NRG1: variants seen among roughly 807,000 people sequenced by gnomAD.
NRG1 encodes neuregulin 1.
In NRG1, 18 loss-of-function variants were observed where a neutral mutation model predicts 63.8. The ratio of observed to expected loss-of-function variants is 0.28; its 90% CI spans 0.19 to 0.42. The LOEUF is 0.42. NRG1 is among the 10% of genes least tolerant of loss of function. NRG1 has a pLI of 1.00. For missense variants in NRG1, 762 were observed against 814.7 expected (o/e 0.94, Z 0.79); for synonymous variants, 302 against 301.3 (o/e 1.00, Z -0.02).
At chr8:31,918,957 C>T (rs1409753944) in intron 1 of NRG1, among the ~76,000 whole-genome samples, 1 of 152,224 alleles carries the variant, frequency 6.6e-6, no homozygotes, top group East Asian at 1.9e-4. Context: ...AGGAATTTAT[C>T]CATTTCTTCT....
At chr8:32,186,379 T>A (rs1417363186) in intron 1 of NRG1, among the ~76,000 whole-genome samples, 2 of 151,092 alleles carry the variant, frequency 1.3e-5, no homozygotes, top group African/African-American at 4.9e-5. Flanking sequence ...GAGAATGGCG[T>A]TAACCCAGCT....
chr8:32,091,344 A>G (rs1829125896), intron 1 of NRG1, among the ~76,000 whole-genome samples: 1 of 152,200 alleles, frequency 6.6e-6, no homozygotes, highest in Non-Finnish European at 1.5e-5. Flanking sequence ...CTCAGTGCTA[A>G]CAAAGCAACA....
chr8:31,801,423 T>G (rs893012639), intron 1 of NRG1, among the ~76,000 whole-genome samples: 2 of 152,204 alleles, frequency 1.3e-5, no homozygotes, highest in African/African-American at 2.4e-5. Context: ...TCATAATAAT[T>G]ATTGAGTCAT....
chr8:32,316,424 C>CAAGAT (rs1392244283), intron 1 of NRG1, among the ~76,000 whole-genome samples: 2 of 146,614 alleles, frequency 1.4e-5, no homozygotes, highest in Non-Finnish European at 3.0e-5. Context: ...TGCAGTGAGC[C>CAAGAT]AAGATCGTGC....
chr8:32,055,520 T>G (rs1246007303), intron 1 of NRG1, among the ~76,000 whole-genome samples: 1 of 152,160 alleles, frequency 6.6e-6, no homozygotes, highest in Admixed American at 6.6e-5. Context: ...GAGATTACAG[T>G]AAGGCAAAGC....
chr8:32,603,979 G>T (rs10954864), intron 2 of NRG1, among the ~76,000 whole-genome samples: 1 of 152,046 alleles, frequency 6.6e-6, no homozygotes, highest in Non-Finnish European at 1.5e-5. Flanking sequence ...TGTCTGAAGA[G>T]AAAGCATAGC....
chr8:32,436,666 C>A (rs528433577), intron 1 of NRG1, among the ~76,000 whole-genome samples: 1 of 152,218 alleles, frequency 6.6e-6, no homozygotes, highest in South Asian at 2.1e-4. Flanking sequence ...ATCTATTAGG[C>A]TGTCGTTGGT....
At chr8:32,349,952 C>T (rs1805387578) in intron 1 of NRG1, among the ~76,000 whole-genome samples, 1 of 152,192 alleles carries the variant, frequency 6.6e-6, no homozygotes, top group Non-Finnish European at 1.5e-5. Context: ...CAGGTCACCT[C>T]CTTTTCTGCA....
intron 1 of NRG1, among the ~76,000 whole-genome samples, chr8:32,446,885 G>A (rs183190894): frequency 6.6e-6 from 1 of 152,158 alleles, no homozygotes; most frequent in Non-Finnish European, 1.5e-5. Context: ...CAGGAAGGAA[G>A]GTCAGACAAT....
At chr8:32,232,485 A>G (rs1183427256) in intron 1 of NRG1, among the ~76,000 whole-genome samples, 1 of 152,202 alleles carries the variant, frequency 6.6e-6, no homozygotes, top group African/African-American at 2.4e-5. Flanking sequence ...TAGAGTAGAT[A>G]GACGTGTAGA....
At chr8:31,656,399 G>T (rs1370972386) in intron 1 of NRG1, among the ~76,000 whole-genome samples, 2 of 152,210 alleles carry the variant, frequency 1.3e-5, no homozygotes, top group Non-Finnish European at 2.9e-5. Flanking sequence ...TTTAGGACCA[G>T]TGAGGACTTA....
At chr8:32,764,189 C>T in exon 12 of NRG1, 2 of 1,614,114 alleles carry the variant, frequency 1.2e-6, no homozygotes, top group Non-Finnish European at 1.7e-6. Context: ...GCTCCCAGAG[C>T]AGTAACTCAG....
rs1214667127 is a variant in NRG1, at chr8:32,318,688, T to C, written c.38-277140T>C. ...TTATGTACATTTTTCCACACTTATGTACCAAAACGTCCTTTGAAAATATGT... is the reference window on the plus strand; with the variant it reads ...TTATGTACATTTTTCCACACTTATGCACCAAAACGTCCTTTGAAAATATGT... On this transcript the variant is annotated intron_variant, in intron 1 of 10. Transcript: ENST00000519301. Among the ~76,000 whole-genome samples, 3 of 152,246 alleles carry C rather than the reference T, an allele frequency of 2.0e-5. No individual in the cohort carries two copies. The East Asian group carries it at 5.8e-4, about 29-fold the overall frequency.
intron 7 of NRG1, among the ~76,000 whole-genome samples, chr8:32,747,110 C>G (rs1827590654): frequency 6.6e-6 from 1 of 151,948 alleles, no homozygotes; most frequent in Admixed American, 6.6e-5. Context: ...GTTAGGCTGA[C>G]AGACTTACCT....
At chr8:32,075,165 C>A (rs1377300918) in intron 1 of NRG1, among the ~76,000 whole-genome samples, 1 of 152,208 alleles carries the variant, frequency 6.6e-6, no homozygotes, top group Non-Finnish European at 1.5e-5. Flanking sequence ...GAAAGTAGAG[C>A]TCTGGTAGAG....
intron 1 of NRG1, among the ~76,000 whole-genome samples, chr8:31,721,811 C>T (rs1812947180): frequency 6.6e-6 from 1 of 152,076 alleles, no homozygotes; most frequent in Non-Finnish European, 1.5e-5. Context: ...CCTCAGTTGT[C>T]CAGGTTATCG....
chr8:32,348,506 C>A, intron 1 of NRG1, among the ~76,000 whole-genome samples: 1 of 152,148 alleles, frequency 6.6e-6, no homozygotes, highest in East Asian at 1.9e-4. Context: ...GATTTATTTT[C>A]TTTCTTTATA....
chr8:32,377,826 A>G (rs531636445), intron 1 of NRG1, among the ~76,000 whole-genome samples: 1 of 152,314 alleles, frequency 6.6e-6, no homozygotes, highest in Non-Finnish European at 1.5e-5. Flanking sequence ...TCTTTCTCCC[A>G]GAAATCAGGA....
chr8:31,850,014 T>A (rs988235803), intron 1 of NRG1, among the ~76,000 whole-genome samples: 7 of 152,182 alleles, frequency 4.6e-5, no homozygotes, highest in African/African-American at 1.7e-4. Flanking sequence ...GCTTTCCCCA[T>A]ATGACTTTGT....
Sources: gnomAD v4.1 joint callset for allele counts (sites outside exome capture counted in the v4.1 genomes callset) on GRCh38, gnomAD v4.1.1 for gene constraint, MANE v1.5 for transcripts, NCBI Gene and HGNC (gene_info 2026-07-23, HGNC 2026-07-21) for gene names.